Variants in CLIP2 observed in about 807,000 individuals in gnomAD.
The protein encoded by CLIP2 is CAP-Gly domain containing linker protein 2.
Under a neutral mutation model 111.7 loss-of-function variants are expected in CLIP2, and 41 were observed. The ratio of observed to expected loss-of-function variants is 0.37; its 90% CI spans 0.29 to 0.48. CLIP2 has a LOEUF of 0.48. Among genes scored for constraint, CLIP2 ranks in the 20% least tolerant of loss-of-function variants. The probability of loss-of-function intolerance (pLI) is 0.99; values close to 1 mark genes in which losing one functional copy is unlikely to be tolerated. For missense variants in CLIP2, 1,160 were observed against 1,422.1 expected (o/e 0.82, Z 2.96); for synonymous variants, 660 against 644.2 (o/e 1.02, Z -0.37).
chr7:74,401,408 C>A, intron 15 of CLIP2, 97 bp from the exon 16 acceptor site: 1 of 1,197,076 alleles, frequency 8.4e-7, no homozygotes. Context: ...GAATTTGGAG[C>A]CTGAGACGGT....
At position 74,346,924 on chromosome 7, in the gene CLIP2, A is replaced by G. The variant is rs1554306441; in HGVS notation, c.679-6956A>G. Reference sequence around the variant, plus strand: ...TGTGGTGTCGCATGCCTCCAGTCCCAACTACTCAGGAGGCTGAGGAGGGAG... The same window carrying G: ...TGTGGTGTCGCATGCCTCCAGTCCCGACTACTCAGGAGGCTGAGGAGGGAG... On this transcript the variant is annotated intron_variant, in intron 3 of 16. Coordinates refer to ENST00000223398, the MANE Select transcript of CLIP2 (RefSeq NM_003388.5). Among the ~76,000 whole-genome samples, 5 of 152,114 alleles carry G rather than the reference A, an allele frequency of 3.3e-5. No homozygotes were observed. In the Middle Eastern group the frequency reaches 0.01, roughly 310 times the overall value.
At position 74,360,243 on chromosome 7, in the gene CLIP2, G is replaced by A; in HGVS notation, c.1284G>A (p.Lys428=). The change falls in exon 7 of 17, where the codon AAG becomes AAA. Residue 428 remains lysine, a synonymous_variant. Transcript: ENST00000223398. ...TCGTGGAGAGCGTGCGGAAAGAGAA[G>A]GTGGACCTGTCCAACCAGCTGGAGG... is the stretch of plus-strand genomic sequence containing the variant. ...RLLVESVRKE[K]VDLSNQLEEE... 1 of 1,606,218 alleles carries A rather than the reference G, an allele frequency of 6.2e-7. No homozygotes were observed. The highest frequency in any genetic ancestry group is 8.5e-7 in the Non-Finnish European group (1 of 1,176,490).
At chr7:74,290,646 A>AG (rs782509084) in intron 1 of CLIP2, among the ~76,000 whole-genome samples, 1 of 151,742 alleles carries the variant, frequency 6.6e-6, no homozygotes, top group Non-Finnish European at 1.5e-5. Flanking sequence ...GTCTGGGATG[A>AG]GGGGGTCTGC....
At chr7:74,347,511 G>A (rs1478004236) in intron 3 of CLIP2, among the ~76,000 whole-genome samples, 1 of 152,042 alleles carries the variant, frequency 6.6e-6, no homozygotes. Flanking sequence ...CTCGTGATCT[G>A]CCCGCCTCGG....
At chr7:74,389,588 TAAAAAAA>T (rs149173666) in intron 13 of CLIP2, among the ~76,000 whole-genome samples, 98 of 104,650 alleles carry the variant, frequency 9.4e-4, no homozygotes, top group African/African-American at 3.5e-3. Context: ...CCCCTATCTC[TAAAAAAA>T]AAAAAAAAAA....
rs1790442695 is a variant in CLIP2, at chr7:74,365,055, G to A, written c.1380+740G>A. On this transcript the variant is annotated intron_variant, in intron 8 of 16. Coordinates refer to ENST00000223398, the MANE Select transcript of CLIP2 (RefSeq NM_003388.5). The stretch of plus-strand genomic sequence containing the variant: ...TGTGTGTGTGTGTGTGTGTGTGACT[G>A]TCTCAAAAAAAAGAATGGATGTTGG... Among the ~76,000 whole-genome samples the A allele has an allele frequency of 3.7e-5, 5 of 134,034 alleles. No individual in the cohort carries two copies. The South Asian group carries it at 7.7e-4, about 21-fold the overall frequency. 87.9% of individuals were successfully genotyped at this position (134,034 alleles called of 152,430 possible).
rs186806229 is a variant in CLIP2 at position 74,371,169 on chromosome 7, G to A, written c.1381-1763G>A. ...TGAGGCTGGAGAATTGCTTGAACCT[G>A]GGAGGTGGAGGTTGCAGTGAGCCGA... On this transcript the variant is annotated intron_variant, in intron 8 of 16. Coordinates refer to ENST00000223398, the MANE Select transcript of CLIP2 (RefSeq NM_003388.5). 7.9e-5 allele frequency among the ~76,000 whole-genome samples: 12 copies of A among 151,598 alleles called. No individual in the cohort carries two copies. In the East Asian group the frequency reaches 2.3e-3, roughly 30 times the overall value.
intron 13 of CLIP2, 104 bp downstream of exon 13, chr7:74,389,363 C>T (rs1048352051): frequency 5.5e-6 from 7 of 1,261,800 alleles, no homozygotes; most frequent in Non-Finnish European, 7.5e-6. Flanking sequence ...GGGGATAGAG[C>T]TGGTGGGCCA....
intron 2 of CLIP2, among the ~76,000 whole-genome samples, chr7:74,326,624 G>T (rs1216193954): frequency 6.6e-6 from 1 of 151,526 alleles, no homozygotes; most frequent in Non-Finnish European, 1.5e-5. Context: ...CACACACAGG[G>T]CTGGGCCCAG....
intron 6 of CLIP2, among the ~76,000 whole-genome samples, chr7:74,359,152 A>G (rs981332448): frequency 3.6e-4 from 53 of 149,214 alleles, no homozygotes; most frequent in African/African-American, 9.1e-4. Flanking sequence ...TATTTTTAGT[A>G]GAGAAGGGGT....
At chr7:74,337,405 G>C (rs1270419757) in intron 2 of CLIP2, among the ~76,000 whole-genome samples, 1 of 152,022 alleles carries the variant, frequency 6.6e-6, no homozygotes. Flanking sequence ...ACCGTCTGAG[G>C]GCGAGGATGG....
chr7:74,358,494 C>T (rs1790216767), intron 6 of CLIP2, among the ~76,000 whole-genome samples: 3 of 151,992 alleles, frequency 2.0e-5, no homozygotes, highest in African/African-American at 7.2e-5. Context: ...TGCACTTGGC[C>T]TAATCTGCTT....
chr7:74,300,570 C>T (rs1261417728), intron 1 of CLIP2, among the ~76,000 whole-genome samples: 1 of 151,976 alleles, frequency 6.6e-6, no homozygotes, highest in Non-Finnish European at 1.5e-5. Context: ...ATTCTCCTGC[C>T]TCAGCCTCCC....
intron 13 of CLIP2, chr7:74,389,527 C>T: frequency 3.9e-6 from 1 of 253,624 alleles, no homozygotes; most frequent in East Asian, 7.7e-5. Context: ...GAGGCTGAGG[C>T]AGGAGGATTG....
At chr7:74,383,907 C>G (rs2522949) in intron 11 of CLIP2, among the ~76,000 whole-genome samples, 81,279 of 152,084 alleles carry the variant, frequency 0.53, 22,552 homozygotes, top group Non-Finnish European at 0.61. Context: ...ATCCTCCTCT[C>G]CCCCCAGCCC....
intron 11 of CLIP2, among the ~76,000 whole-genome samples, chr7:74,384,034 CA>C (rs1791014356): frequency 6.6e-6 from 1 of 152,062 alleles, no homozygotes; most frequent in South Asian, 2.1e-4. Context: ...ACTAAAAATA[CA>C]AAAATTAGCT....
chr7:74,358,802 C>T (rs1790228242), intron 6 of CLIP2, among the ~76,000 whole-genome samples: 1 of 151,914 alleles, frequency 6.6e-6, no homozygotes, highest in African/African-American at 2.4e-5. Flanking sequence ...AACTCCTGGC[C>T]TCAAGTGACC....
intron 7 of CLIP2, among the ~76,000 whole-genome samples, chr7:74,363,969 C>G (rs1790407559): frequency 6.6e-6 from 1 of 151,886 alleles, no homozygotes; most frequent in Admixed American, 6.6e-5. Flanking sequence ...AGTGTTGTCA[C>G]TCACATCCCC....
chr7:74,375,351 C>T (rs1790743588), intron 9 of CLIP2, among the ~76,000 whole-genome samples: 1 of 151,498 alleles, frequency 6.6e-6, no homozygotes, highest in Non-Finnish European at 1.5e-5. Context: ...GAGTTCGAGA[C>T]CAGCCTAGGC....
Sources: gnomAD v4.1 joint callset for allele counts (sites outside exome capture counted in the v4.1 genomes callset) on GRCh38, gnomAD v4.1.1 for gene constraint, MANE v1.5 for transcripts, NCBI Gene and HGNC (gene_info 2026-07-23, HGNC 2026-07-21) for gene names.